ZGRF1: variants seen among roughly 807,000 people sequenced by gnomAD.
The protein encoded by ZGRF1 is zinc finger GRF-type containing 1.
ZGRF1 carries 196 observed loss-of-function variants against 203.5 expected under a neutral mutation model. The observed-to-expected ratio is 0.96, with a 90% CI of 0.86 to 1.08. The LOEUF (loss-of-function observed/expected upper bound fraction) is 1.08, where lower values mean the gene tolerates loss of function less well. Ranked by LOEUF, ZGRF1 falls within the 50% of genes least tolerant of loss-of-function variation. The pLI is 0.00. For missense variants in ZGRF1, 2,326 were observed against 2,416.3 expected (o/e 0.96, Z 0.78); for synonymous variants, 809 against 841.3 (o/e 0.96, Z 0.66).
chr4:112,617,289 T>C (rs1012078373), intron 6 of ZGRF1, 151 bp downstream of exon 6: 18 of 495,842 alleles, frequency 3.6e-5, no homozygotes, highest in Non-Finnish European at 5.8e-5. Flanking sequence ...ATTGCTACTA[T>C]TCTCTATTAA....
At chr4:112,558,399 ACT>A in intron 19 of ZGRF1, 90 bp from the exon 20 acceptor site, 1 of 1,120,640 alleles carries the variant, frequency 8.9e-7, no homozygotes, top group Non-Finnish European at 1.2e-6. Context: ...AGTCTCACTC[ACT>A]CTGTCACCCA....
At chr4:112,581,310 G>C (rs1052901551) in intron 16 of ZGRF1, among the ~76,000 whole-genome samples, 1 of 150,304 alleles carries the variant, frequency 6.7e-6, no homozygotes, top group Non-Finnish European at 1.5e-5. Context: ...GATAGCATTA[G>C]GAGATATACC....
At chr4:112,606,388 G>T (rs1367078285) in intron 8 of ZGRF1, among the ~76,000 whole-genome samples, 1 of 152,110 alleles carries the variant, frequency 6.6e-6, no homozygotes, top group African/African-American at 2.4e-5. Flanking sequence ...ATAACTGGGT[G>T]CAGTGGCTTA....
intron 22 of ZGRF1, among the ~76,000 whole-genome samples, chr4:112,552,141 G>A (rs192680861): frequency 6.6e-6 from 1 of 151,946 alleles, no homozygotes; most frequent in Non-Finnish European, 1.5e-5. Context: ...AGCCGGGTGC[G>A]GTGGAATGTG....
At chr4:112,549,826 G>A (rs1739564628) in intron 22 of ZGRF1, among the ~76,000 whole-genome samples, 1 of 151,960 alleles carries the variant, frequency 6.6e-6, no homozygotes, top group African/African-American at 2.4e-5. Context: ...CGCCTTTCAG[G>A]AGGTATCCAT....
intron 3 of ZGRF1, among the ~76,000 whole-genome samples, chr4:112,627,669 G>C (rs1460566097): frequency 6.6e-6 from 1 of 152,224 alleles, no homozygotes; most frequent in Non-Finnish European, 1.5e-5. Flanking sequence ...GTGCCCAGGA[G>C]GCAGAGGCTG....
chr4:112,575,611 C>G (rs1267737209), intron 16 of ZGRF1, among the ~76,000 whole-genome samples: 1 of 152,234 alleles, frequency 6.6e-6, no homozygotes, highest in Non-Finnish European at 1.5e-5. Flanking sequence ...TCTTAGCAAA[C>G]AGCACACCAG....
chr4:112,631,850 T>C (rs958351186), intron 3 of ZGRF1, 80 bp downstream of exon 3: 1 of 629,516 alleles, frequency 1.6e-6, no homozygotes, highest in Non-Finnish European at 2.7e-6. Flanking sequence ...TGACATTTTA[T>C]CATGTACAGT....
At chr4:112,570,688 C>G (rs1393636166) in intron 16 of ZGRF1, among the ~76,000 whole-genome samples, 1 of 151,864 alleles carries the variant, frequency 6.6e-6, no homozygotes, top group African/African-American at 2.4e-5. Context: ...ACAAAAAGTT[C>G]AACTAGAAAT....
chr4:112,618,301 A>C lies in ZGRF1; in HGVS notation c.1741T>G (p.Cys581Gly), dbSNP rs1211042913. 2.5e-6 allele frequency: 4 copies of C among 1,613,814 alleles called. No individual in the cohort carries two copies. Among genetic ancestry groups the C allele is most frequent in the Non-Finnish European group, 3.4e-6 (4 of 1,179,908 alleles). Reference protein sequence around the residue: ...CFQKRSENTNCEEIEGEHLPF... With the variant: ...CFQKRSENTNGEEIEGEHLPF... ...AAATGTTCACCCTCAATCTCTTCACAGTTTGTATTCTCAGACCTCTTTTGA... is the reference window on the plus strand; with the variant it reads ...AAATGTTCACCCTCAATCTCTTCACCGTTTGTATTCTCAGACCTCTTTTGA... The change falls in exon 6 of 28, where the codon TGT becomes GGT. Residue 581 changes from cysteine (C) to glycine (G), a missense_variant. Physicochemically the swap from Cys to Gly is radical, Grantham distance 159. Transcript: ENST00000505019.
chr4:112,619,285 C>T lies in ZGRF1; in HGVS notation c.757G>A (p.Ala253Thr). The T allele has an allele frequency of 6.2e-7, 1 of 1,613,278 alleles. No homozygotes were observed. The highest frequency in any genetic ancestry group is 8.5e-7 in the Non-Finnish European group (1 of 1,179,936). ...SGVSQNIRSK[A>T]QILALLKSES... ...GACTTCAGAAGAGCTAATATCTGTG[C>T]TTTGCTTCTGATGTTTTGTGAAACT... The change falls in exon 6 of 28, where the codon GCA becomes ACA. Residue 253 changes from alanine to threonine, a missense_variant. Ala to Thr is a moderately conservative substitution (Grantham distance 58, BLOSUM62 0). Coordinates refer to ENST00000505019, the MANE Select transcript of ZGRF1 (RefSeq NM_018392.5).
In ZGRF1 at chr4:112,587,864, G is replaced by C; in HGVS notation, c.3193C>G (p.Gln1065Glu). The change falls in exon 12 of 28, where the codon CAG becomes GAG. Residue 1065 changes from glutamine (Q) to glutamate (E), a missense_variant. By Grantham distance (29) the Gln-to-Glu change is conservative (BLOSUM62 2). Coordinates refer to ENST00000505019, the MANE Select transcript of ZGRF1 (RefSeq NM_018392.5). ...CGTGGCAAAGTAATAAGTGGAACCT[G>C]GGTTCTACTTAATAATGAAAGCCTT... ...LQRLSLLSRTQVPLITLPRTD... is the reference protein window; with the variant it reads ...LQRLSLLSRTEVPLITLPRTD... 1.3e-6 allele frequency: 2 copies of C among 1,549,632 alleles called. No individual in the cohort carries two copies. Among genetic ancestry groups the C allele is most frequent in the South Asian group, 1.2e-5 (1 of 83,764 alleles).
chr4:112,553,799 TA>T, intron 22 of ZGRF1, 35 bp downstream of exon 22: 3 of 1,565,714 alleles, frequency 1.9e-6, no homozygotes, highest in Non-Finnish European at 2.6e-6. Context: ...ATGGTATATA[TA>T]AATCAAGAAA....
intron 3 of ZGRF1, among the ~76,000 whole-genome samples, chr4:112,631,542 G>T (rs2047409488): frequency 6.6e-6 from 1 of 151,740 alleles, no homozygotes; most frequent in African/African-American, 2.4e-5. Context: ...CATGGTGTCG[G>T]GTGCCTGTAG....
rs370823904 is a variant in ZGRF1 at position 112,556,784 on chromosome 4, T to A, written c.5120+1366A>T. On this transcript the variant is annotated intron_variant, in intron 20 of 27. Coordinates refer to ENST00000505019, the MANE Select transcript of ZGRF1 (RefSeq NM_018392.5). ...GTATATTTAAAAATCTGTAAATAAA[T>A]ATAATAAAACATCTGTGTAGTCTGC... is the stretch of plus-strand genomic sequence containing the variant. Among the ~76,000 whole-genome samples the A allele has an allele frequency of 4.2e-4, 64 of 152,312 alleles. 2 individuals carry two copies. The South Asian group carries it at 0.01, about 25-fold the overall frequency.
intron 23 of ZGRF1, 35 bp from the exon 24 acceptor site, chr4:112,547,443 T>G: frequency 6.3e-7 from 1 of 1,578,014 alleles, no homozygotes; most frequent in East Asian, 2.2e-5. Context: ...TCTAAGCAAT[T>G]AAAATGGGTG....
chr4:112,584,718 C>T (rs1746871064), intron 14 of ZGRF1, among the ~76,000 whole-genome samples: 1 of 152,176 alleles, frequency 6.6e-6, no homozygotes, highest in Non-Finnish European at 1.5e-5. Flanking sequence ...TATCACTACT[C>T]ATGAATTTTT....
rs1380278763 is a variant in ZGRF1, at chr4:112,577,442, T to C, written c.4438+4221A>G. Among the ~76,000 whole-genome samples, 2 of 122,552 alleles carry C rather than the reference T, an allele frequency of 1.6e-5. 1 individual carries two copies. Among genetic ancestry groups the C allele is most frequent in the Non-Finnish European group, 3.6e-5 (2 of 54,918 alleles). The allele number at this position is 122,552 out of a possible 152,430, so 80.4% of individuals were successfully genotyped here. A position where few individuals can be genotyped will look rare whatever the true frequency, so the allele number is the denominator to read the frequency against. On this transcript the variant is annotated intron_variant, in intron 16 of 27. Transcript: ENST00000505019. ...CACACATAACAATATTAACCTTAAA[T>C]GTAAATGGGCTAAATGCTCCAATTA... is the stretch of plus-strand genomic sequence containing the variant.
At chr4:112,551,242 T>C (rs934710837) in intron 22 of ZGRF1, among the ~76,000 whole-genome samples, 1 of 152,240 alleles carries the variant, frequency 6.6e-6, no homozygotes, top group Non-Finnish European at 1.5e-5. Context: ...GGCTATACTA[T>C]GTAGCCTAGT....
Sources: gnomAD v4.1 joint callset for allele counts (sites outside exome capture counted in the v4.1 genomes callset) on GRCh38, gnomAD v4.1.1 for gene constraint, MANE v1.5 for transcripts, NCBI Gene and HGNC (gene_info 2026-07-23, HGNC 2026-07-21) for gene names.